Variants in SCIMP observed in about 807,000 individuals in gnomAD.
SCIMP encodes the protein SLP adaptor and CSK interacting membrane protein.
In SCIMP, 18 loss-of-function variants were observed where a neutral mutation model predicts 22.0. That is an observed-to-expected ratio of 0.82 (90% CI 0.56 to 1.21). The LOEUF (loss-of-function observed/expected upper bound fraction) is 1.21, where lower values mean the gene tolerates loss of function less well. SCIMP is among the 50% of genes most tolerant of loss of function. The pLI, the probability that SCIMP is intolerant of heterozygous loss-of-function variation, is 0.00. For missense variants in SCIMP, 155 were observed against 171.2 expected, an observed-to-expected ratio of 0.91 and a Z score of 0.53; for synonymous variants, 53 against 62.2, an observed-to-expected ratio of 0.85 and a Z score of 0.70.
chr17:5,231,981 G>A lies in SCIMP; in HGVS notation c.21+2754C>T, dbSNP rs573166548. Among the ~76,000 whole-genome samples the A allele has an allele frequency of 2.4e-4, 36 of 152,266 alleles. No individual in the cohort carries two copies. In the East Asian group the frequency reaches 4.6e-3, roughly 20 times the overall value. On this transcript the variant is annotated intron_variant, in intron 1 of 4. Transcript: ENST00000574081. ...TGAGGCAGGAGAATGGCGTGAACCC[G>A]GGAGGCGGAGCTTGCAGTGAGCCGA...
chr17:5,234,446 A>G (rs1463366404), intron 1 of SCIMP: 2 of 481,702 alleles, frequency 4.2e-6, no homozygotes, highest in Non-Finnish European at 7.5e-6. Context: ...TCATTATCTC[A>G]TTTCAATCCA....
chr17:5,219,750 T>C (rs1299767413), intron 3 of SCIMP, among the ~76,000 whole-genome samples: 1 of 152,334 alleles, frequency 6.6e-6, no homozygotes, highest in East Asian at 1.9e-4. Context: ...CCCTGGGCCA[T>C]GTTTGATCAA....
chr17:5,223,180 G>T (rs2074621186), intron 2 of SCIMP, 153 bp downstream of exon 2: 4 of 715,348 alleles, frequency 5.6e-6, no homozygotes, highest in African/African-American at 5.3e-5. Context: ...TAATGTAGTG[G>T]CAGGGTTAGG....
At chr17:5,230,926 G>A (rs2074688832) in intron 1 of SCIMP, among the ~76,000 whole-genome samples, 2 of 152,146 alleles carry the variant, frequency 1.3e-5, no homozygotes, top group Admixed American at 6.6e-5. Context: ...GGGTTATAGA[G>A]TGAGACCCTG....
intron 1 of SCIMP, among the ~76,000 whole-genome samples, chr17:5,227,183 G>A (rs1294617907): frequency 1.3e-5 from 2 of 152,004 alleles, no homozygotes; most frequent in African/African-American, 4.8e-5. Flanking sequence ...GCTCATGCTT[G>A]TAATCCTAGC....
chr17:5,231,177 T>C (rs2074691077), intron 1 of SCIMP, among the ~76,000 whole-genome samples: 1 of 152,176 alleles, frequency 6.6e-6, no homozygotes, highest in South Asian at 2.1e-4. Flanking sequence ...CTGGCCAAGA[T>C]GGTGAAACCC....
chr17:5,222,382 C>T (rs1338897051), intron 2 of SCIMP, among the ~76,000 whole-genome samples: 2 of 152,242 alleles, frequency 1.3e-5, no homozygotes, highest in South Asian at 2.1e-4. Context: ...TGAGCCACCG[C>T]GCCCGGCCAG....
At chr17:5,232,742 GCT>G (rs948363261) in intron 1 of SCIMP, among the ~76,000 whole-genome samples, 1 of 149,932 alleles carries the variant, frequency 6.7e-6, no homozygotes, top group Non-Finnish European at 1.5e-5. Context: ...ATGGCGTCTT[GCT>G]CTGTCACCCA....
rs2074521280 is a variant in SCIMP, at chr17:5,210,874, G to A, written c.365C>T (p.Pro122Leu). The change falls in exon 5 of 5, where the codon CCA (proline) becomes CTA (leucine). Residue 122 changes from proline to leucine, a missense_variant. Physicochemically the swap from Pro to Leu is moderately conservative, Grantham distance 98. Coordinates refer to ENST00000574081, the MANE Select transcript of SCIMP (RefSeq NM_207103.3). ...GTCATCTTCAGGCTCAATGTAGCTTGGGATGGAAACAGTCTTCTTATTTTT... is the reference window on the plus strand; with the variant it reads ...GTCATCTTCAGGCTCAATGTAGCTTAGGATGGAAACAGTCTTCTTATTTTT... ...KVKNKKTVSI[P>L]SYIEPEDDYD... 2 of 1,614,112 alleles carry A rather than the reference G, an allele frequency of 1.2e-6. No individual in the cohort carries two copies.
chr17:5,223,615 T>A, intron 1 of SCIMP, 159 bp from the exon 2 acceptor site: 1 of 655,828 alleles, frequency 1.5e-6, no homozygotes, highest in Non-Finnish European at 2.6e-6. Context: ...TGATCTCAGC[T>A]CTCAGCTCAC....
chr17:5,223,234 A>T, intron 2 of SCIMP, 99 bp downstream of exon 2: 2 of 1,330,022 alleles, frequency 1.5e-6, no homozygotes, highest in South Asian at 2.5e-5. Context: ...AATTCAGCTC[A>T]TTCAGGCCCA....
chr17:5,227,551 A>G (rs1469397497), intron 1 of SCIMP, among the ~76,000 whole-genome samples: 1 of 152,192 alleles, frequency 6.6e-6, no homozygotes. Flanking sequence ...GGATTAGAGA[A>G]GGGAGTGACA....
At chr17:5,214,647 T>C (rs550748650) in intron 4 of SCIMP, 2 of 352,618 alleles carry the variant, frequency 5.7e-6, no homozygotes, top group South Asian at 1.1e-4. Context: ...GAGACCATCC[T>C]GGCTAACGCG....
rs1412724558 is a variant in SCIMP at position 5,221,288 on chromosome 17, C to T, written c.208G>A (p.Glu70Lys). 3 of 1,610,838 alleles carry T rather than the reference C, an allele frequency of 1.9e-6. No homozygotes were observed. The highest frequency in any genetic ancestry group is 4.5e-5 in the East Asian group (2 of 44,864). ...GCGGAAGGATTCCCCCCTACTTACTCATACATCTTTTCTTCATCTACTTGC... is the reference window on the plus strand; with the variant it reads ...GCGGAAGGATTCCCCCCTACTTACTTATACATCTTTTCTTCATCTACTTGC... The part of the protein sequence containing the change: ...HKQVDEEKMY[E>K]NVLNESPVQL... Residue 70 changes from glutamate to lysine, a missense_variant and splice_region_variant, in exon 3 of 5, where the codon GAG becomes AAG. Transcript: ENST00000574081.
chr17:5,233,758 A>G (rs1343821723), intron 1 of SCIMP: 1 of 152,278 alleles, frequency 6.6e-6, no homozygotes, highest in Non-Finnish European at 1.5e-5. Flanking sequence ...ACAAGTGGAC[A>G]CACCAGGCAG....
intron 1 of SCIMP, among the ~76,000 whole-genome samples, chr17:5,226,640 C>T (rs950856750): frequency 6.6e-6 from 1 of 151,432 alleles, no homozygotes; most frequent in African/African-American, 2.4e-5. Context: ...CCAGTAGCTG[C>T]GATTACAGGT....
Position 5,221,351 on chromosome 17 carries a change from C to T in SCIMP, c.146-1G>A. 6.2e-7 allele frequency: 1 copy of T among 1,611,348 alleles called. No homozygotes were observed. Among genetic ancestry groups the T allele is most frequent in the Non-Finnish European group, 8.5e-7 (1 of 1,177,546 alleles). ...GGCTTGGCAATTTCCCATTTCTTGC[C>T]TAAGAGGGGAAAAGCATGTTCATTG... On this transcript the variant is annotated splice_acceptor_variant, in intron 2 of 4. Transcript: ENST00000574081. LOFTEE classifies it high-confidence loss of function.
chr17:5,231,470 T>C (rs547191674), intron 1 of SCIMP, among the ~76,000 whole-genome samples: 5 of 152,186 alleles, frequency 3.3e-5, no homozygotes, highest in African/African-American at 1.2e-4. Context: ...TCTGTGTGAG[T>C]GTCCAGTAGG....
chr17:5,211,647 C>T (rs2074526235), intron 4 of SCIMP, among the ~76,000 whole-genome samples: 2 of 152,122 alleles, frequency 1.3e-5, no homozygotes, highest in African/African-American at 4.8e-5. Context: ...CTTTTTGGCA[C>T]ATCCCTTCCA....
Sources: allele counts gnomAD v4.1 joint callset (sites outside exome capture counted in the v4.1 genomes callset), GRCh38; gene constraint gnomAD v4.1.1; transcripts MANE v1.5; gene names NCBI Gene and HGNC (gene_info 2026-07-23, HGNC 2026-07-21).